PDE4D: variants seen among roughly 807,000 people sequenced by gnomAD.
The protein encoded by PDE4D is phosphodiesterase 4D, also known as 3',5'-cyclic-AMP phosphodiesterase 4D.
In PDE4D, 24 loss-of-function variants were observed where a neutral mutation model predicts 87.4. That is an observed-to-expected ratio of 0.27 (90% confidence interval 0.20 to 0.39). The LOEUF is 0.39. PDE4D is among the 10% of genes least tolerant of loss of function. The pLI, the probability that PDE4D is intolerant of heterozygous loss-of-function variation, is 1.00. For synonymous variants in PDE4D, 384 were observed against 383.2 expected, an observed-to-expected ratio of 1.00 and a Z score of -0.02; for missense variants, 714 against 1,041.0, an observed-to-expected ratio of 0.69 and a Z score of 4.32.
chr5:59,721,875 C>T (rs1367850468), intron 1 of PDE4D, among the ~76,000 whole-genome samples: 1 of 152,142 alleles, frequency 6.6e-6, no homozygotes, highest in East Asian at 1.9e-4. Flanking sequence ...TCCTCTGTGT[C>T]TTCACATTCC....
chr5:60,411,482 T>C (rs1451018989), intron 1 of PDE4D, among the ~76,000 whole-genome samples: 1 of 152,104 alleles, frequency 6.6e-6, no homozygotes, highest in Non-Finnish European at 1.5e-5. Flanking sequence ...CTAATCTCAT[T>C]ATCATCATCA....
At chr5:59,217,282 T>C (rs1488687027) in intron 1 of PDE4D, 4 of 455,834 alleles carry the variant, frequency 8.8e-6, no homozygotes, top group East Asian at 6.9e-5. Context: ...TAAATAAACA[T>C]GTGAATTCAA....
chr5:59,508,862 CAT>C (rs992706841), intron 1 of PDE4D, among the ~76,000 whole-genome samples: 6 of 151,830 alleles, frequency 4.0e-5, no homozygotes, highest in African/African-American at 1.5e-4. Flanking sequence ...AGCCAGAAAA[CAT>C]ATATGAATGA....
At chr5:59,517,610 G>A (rs1811405415) in intron 1 of PDE4D, among the ~76,000 whole-genome samples, 1 of 152,138 alleles carries the variant, frequency 6.6e-6, no homozygotes, top group Non-Finnish European at 1.5e-5. Flanking sequence ...GTGACCTGGG[G>A]TAACTTAACA....
Position 59,173,365 on chromosome 5 carries a change from C to A in PDE4D, c.808+7230G>T, listed in dbSNP as rs537042607. Among the ~76,000 whole-genome samples the A allele has an allele frequency of 2.6e-5, 4 of 152,236 alleles. No homozygotes were observed. The East Asian group carries it at 7.7e-4, about 29-fold the overall frequency. On this transcript the variant is annotated intron_variant, in intron 5 of 14. Transcript: ENST00000340635. ...TAAATAAAAGCATAAAAGGCCAAAA[C>A]AAATTCATTTGTAAGAAAGAGAACT...
At chr5:60,460,567 AGTCT>A (rs1746845846) in intron 1 of PDE4D, 2 of 1,331,852 alleles carry the variant, frequency 1.5e-6, no homozygotes, top group Non-Finnish European at 2.2e-6. Context: ...TTCTTCATTA[AGTCT>A]GTCTATTTCA....
At chr5:59,243,386 A>C (rs1758067741) in intron 1 of PDE4D, among the ~76,000 whole-genome samples, 1 of 151,728 alleles carries the variant, frequency 6.6e-6, no homozygotes, top group South Asian at 2.1e-4. Flanking sequence ...AATATTAATA[A>C]ATATATAAAT....
At chr5:59,656,670 TC>T (rs1744411517) in intron 1 of PDE4D, among the ~76,000 whole-genome samples, 1 of 152,170 alleles carries the variant, frequency 6.6e-6, no homozygotes, top group African/African-American at 2.4e-5. Flanking sequence ...GTAGGAAGTT[TC>T]TTAAACTTTG....
At chr5:59,723,912 G>T (rs559446580) in intron 1 of PDE4D, among the ~76,000 whole-genome samples, 20 of 152,130 alleles carry the variant, frequency 1.3e-4, no homozygotes, top group Admixed American at 3.9e-4. Context: ...TAAAATCCAG[G>T]TTATGGAGCA....
At chr5:59,227,875 A>T (rs1382046721) in intron 1 of PDE4D, among the ~76,000 whole-genome samples, 1 of 152,186 alleles carries the variant, frequency 6.6e-6, no homozygotes, top group African/African-American at 2.4e-5. Flanking sequence ...CAGAACTACC[A>T]TTCAACTCAG....
chr5:58,993,215 G>A (rs1748325037), intron 7 of PDE4D, among the ~76,000 whole-genome samples, 157 bp downstream of exon 7: 4 of 152,056 alleles, frequency 2.6e-5, no homozygotes, highest in Admixed American at 2.6e-4. Context: ...AAAACTCAGA[G>A]GCGGATAGTG....
At chr5:59,106,489 G>T (rs780858916) in intron 5 of PDE4D, among the ~76,000 whole-genome samples, 1 of 152,180 alleles carries the variant, frequency 6.6e-6, no homozygotes, top group African/African-American at 2.4e-5. Flanking sequence ...TAGGCCGGGC[G>T]TGGTGACTCA....
intron 1 of PDE4D, among the ~76,000 whole-genome samples, chr5:60,200,843 C>G (rs949550986): frequency 1.3e-5 from 2 of 152,104 alleles, no homozygotes; most frequent in African/African-American, 4.8e-5. Context: ...TAATATAACT[C>G]ATTAAAGTAA....
intron 2 of PDE4D, among the ~76,000 whole-genome samples, chr5:59,195,748 A>T (rs953771333): frequency 6.6e-6 from 1 of 152,246 alleles, no homozygotes; most frequent in African/African-American, 2.4e-5. Flanking sequence ...TAATAATGTT[A>T]AGTGCTGAAA....
At chr5:60,145,526 ACC>A in intron 2 of PDE4D, among the ~76,000 whole-genome samples, 1 of 152,126 alleles carries the variant, frequency 6.6e-6, no homozygotes, top group Non-Finnish European at 1.5e-5. Flanking sequence ...TACTTCACAA[ACC>A]TTGTTTGACC....
intron 2 of PDE4D, among the ~76,000 whole-genome samples, chr5:59,215,060 T>C (rs141021618): frequency 1.3e-5 from 2 of 152,256 alleles, no homozygotes; most frequent in African/African-American, 4.8e-5. Flanking sequence ...AGTATAGGTA[T>C]TGAGTGAGAA....
intron 1 of PDE4D, among the ~76,000 whole-genome samples, chr5:60,415,033 A>G (rs1023618979): frequency 3.9e-5 from 6 of 152,262 alleles, no homozygotes; most frequent in Non-Finnish European, 8.8e-5. Flanking sequence ...CATGGTAGGA[A>G]TGCCTAAGTG....
chr5:59,577,514 AG>A (rs1430920951), intron 1 of PDE4D, among the ~76,000 whole-genome samples: 2 of 152,178 alleles, frequency 1.3e-5, no homozygotes, highest in Non-Finnish European at 2.9e-5. Flanking sequence ...AGATTTTTAT[AG>A]CACCTTAGTG....
intron 3 of PDE4D, among the ~76,000 whole-genome samples, chr5:59,899,518 T>C (rs1752011767): frequency 6.6e-6 from 1 of 151,912 alleles, no homozygotes; most frequent in South Asian, 2.1e-4. Flanking sequence ...TAAATATATA[T>C]ATATAGATGC....
Sources: gnomAD v4.1 joint callset for allele counts (sites outside exome capture counted in the v4.1 genomes callset) on GRCh38, gnomAD v4.1.1 for gene constraint, MANE v1.5 for transcripts, NCBI Gene and HGNC (gene_info 2026-07-23, HGNC 2026-07-21) for gene names.